FHIT: variants seen among roughly 807,000 people sequenced by gnomAD.
The protein encoded by FHIT is bis(5'-adenosyl)-triphosphatase.
In FHIT, 19 loss-of-function variants were observed where a neutral mutation model predicts 17.9. That is an observed-to-expected ratio of 1.06 (90% CI 0.74 to 1.56). FHIT has a LOEUF of 1.56. FHIT is among the 40% of genes most tolerant of loss of function. The probability of loss-of-function intolerance (pLI) is 0.00; values close to 1 mark genes in which losing one functional copy is unlikely to be tolerated. For missense variants in FHIT, 248 were observed against 189.2 expected (o/e 1.31, Z -1.82); for synonymous variants, 81 against 69.7 (o/e 1.16, Z -0.81).
chr3:60,863,365 G>A (rs1553753132), intron 3 of FHIT, among the ~76,000 whole-genome samples: 1 of 152,216 alleles, frequency 6.6e-6, no homozygotes, highest in Non-Finnish European at 1.5e-5. Context: ...TTTTAGCCCA[G>A]TGAGACATGT....
intron 5 of FHIT, among the ~76,000 whole-genome samples, chr3:60,192,250 CAAAA>C (rs71089591): frequency 8.2e-6 from 1 of 121,578 alleles, no homozygotes; most frequent in Non-Finnish European, 1.7e-5. Flanking sequence ...CACTATGTCT[CAAAA>C]AAAAAAAAAA....
intron 5 of FHIT, among the ~76,000 whole-genome samples, chr3:60,371,972 G>A (rs1030353734): frequency 4.6e-5 from 7 of 151,780 alleles, no homozygotes; most frequent in East Asian, 1.9e-4. Flanking sequence ...AAATTGGCAC[G>A]GTCCTGCTAG....
At chr3:61,029,119 C>A (rs1424545441) in intron 3 of FHIT, among the ~76,000 whole-genome samples, 1 of 152,054 alleles carries the variant, frequency 6.6e-6, no homozygotes, top group African/African-American at 2.4e-5. Context: ...TTTCTTCTGA[C>A]AGGTACTGTA....
At chr3:60,292,455 T>C (rs1708031045) in intron 5 of FHIT, among the ~76,000 whole-genome samples, 1 of 152,104 alleles carries the variant, frequency 6.6e-6, no homozygotes, top group South Asian at 2.1e-4. Context: ...ACTTGGATGT[T>C]AGCTGCCGTC....
At chr3:60,856,001 G>C (rs1295673303) in intron 3 of FHIT, among the ~76,000 whole-genome samples, 2 of 152,112 alleles carry the variant, frequency 1.3e-5, no homozygotes, top group Non-Finnish European at 2.9e-5. Context: ...CATCACCTCT[G>C]TTTGAATGAG....
chr3:59,889,696 T>TC (rs1216673617), intron 8 of FHIT, among the ~76,000 whole-genome samples: 9 of 152,250 alleles, frequency 5.9e-5, no homozygotes, highest in Non-Finnish European at 1.0e-4. Context: ...ATAAATGGTT[T>TC]CTTTTTTACG....
intron 2 of FHIT, among the ~76,000 whole-genome samples, chr3:61,086,537 A>C (rs2106795235): frequency 6.6e-6 from 1 of 152,258 alleles, no homozygotes; most frequent in Non-Finnish European, 1.5e-5. Context: ...TGGACTTTTA[A>C]GCTTTTCAGG....
intron 3 of FHIT, among the ~76,000 whole-genome samples, chr3:61,009,052 T>C (rs557371976): frequency 6.6e-6 from 1 of 152,306 alleles, no homozygotes; most frequent in South Asian, 2.1e-4. Context: ...AATAATTGTG[T>C]TTCTTCCCTC....
At chr3:61,120,939 C>T (rs189693981) in intron 2 of FHIT, among the ~76,000 whole-genome samples, 35 of 151,652 alleles carry the variant, frequency 2.3e-4, no homozygotes, top group Admixed American at 1.3e-3. Context: ...ATGAGAACTT[C>T]GTAAAGCATA....
chr3:60,205,295 T>A (rs999938481), intron 5 of FHIT, among the ~76,000 whole-genome samples: 2 of 152,152 alleles, frequency 1.3e-5, no homozygotes, highest in African/African-American at 4.8e-5. Context: ...ATATTCCATT[T>A]TTGTAAAACA....
chr3:59,968,034 A>G (rs756393461), intron 7 of FHIT, among the ~76,000 whole-genome samples: 1 of 152,152 alleles, frequency 6.6e-6, no homozygotes, highest in Admixed American at 6.6e-5. Flanking sequence ...AAGCAAGAGT[A>G]ATATAGTAAT....
chr3:59,835,253 T>A (rs142328291), intron 8 of FHIT, among the ~76,000 whole-genome samples: 211 of 152,290 alleles, frequency 1.4e-3, no homozygotes, highest in African/African-American at 4.7e-3. Context: ...ATGGTTTGGA[T>A]GTCAAACAAA....
At chr3:60,381,893 A>C (rs1700814463) in intron 5 of FHIT, among the ~76,000 whole-genome samples, 1 of 152,218 alleles carries the variant, frequency 6.6e-6, no homozygotes, top group South Asian at 2.1e-4. Context: ...GTGTCTCAGA[A>C]AATGTGTCTC....
chr3:60,009,057 T>A (rs968459513), intron 7 of FHIT, among the ~76,000 whole-genome samples: 4 of 152,188 alleles, frequency 2.6e-5, no homozygotes, highest in African/African-American at 9.7e-5. Flanking sequence ...TTAATTTTCA[T>A]GCAGGTGATA....
At chr3:60,885,015 A>G (rs1387262721) in intron 3 of FHIT, among the ~76,000 whole-genome samples, 1 of 144,180 alleles carries the variant, frequency 6.9e-6, no homozygotes, top group Non-Finnish European at 1.5e-5. Flanking sequence ...TCATGGAGGT[A>G]GAAAGTTGAT....
chr3:61,240,891 C>T (rs1473016949), intron 1 of FHIT, among the ~76,000 whole-genome samples: 2 of 152,182 alleles, frequency 1.3e-5, no homozygotes, highest in Non-Finnish European at 2.9e-5. Flanking sequence ...ACCTCAATTT[C>T]AGCTGCGCTA....
intron 3 of FHIT, among the ~76,000 whole-genome samples, chr3:61,028,601 C>T (rs2032855637): frequency 1.3e-5 from 2 of 152,162 alleles, no homozygotes; most frequent in African/African-American, 4.8e-5. Flanking sequence ...TGTGTGAACA[C>T]GTCCAAGTTA....
intron 4 of FHIT, among the ~76,000 whole-genome samples, chr3:60,583,115 T>C (rs543791860): frequency 6.6e-6 from 1 of 151,964 alleles, no homozygotes; most frequent in Admixed American, 6.6e-5. Context: ...TACACAGCAT[T>C]AGGTAATGAA....
chr3:60,859,582 C>T (rs955414672), intron 3 of FHIT, among the ~76,000 whole-genome samples: 2 of 151,998 alleles, frequency 1.3e-5, no homozygotes, highest in African/African-American at 4.8e-5. Context: ...CTACTCCTCA[C>T]TCTCCTTTTC....
Sources: gnomAD v4.1 joint callset for allele counts (sites outside exome capture counted in the v4.1 genomes callset) on GRCh38, gnomAD v4.1.1 for gene constraint, MANE v1.5 for transcripts, NCBI Gene and HGNC (gene_info 2026-07-23, HGNC 2026-07-21) for gene names.